Variants in ZC4H2 observed in about 807,000 individuals in gnomAD.
ZC4H2 encodes the protein zinc finger C4H2 domain-containing protein.
For synonymous variants in ZC4H2, 84 were observed against 66.3 expected (o/e 1.27, Z -1.30); for missense variants, 137 against 173.9 (o/e 0.79, Z 1.19).
chrX:64,953,969 C>T lies in ZC4H2; in HGVS notation c.53+22356G>A, dbSNP rs184476657. Reference sequence around the variant, plus strand: ...TTAAGAAAATGTGGCATATATACACCGTGGAATACTATGCAGCCATAAAAA... The same window carrying T: ...TTAAGAAAATGTGGCATATATACACTGTGGAATACTATGCAGCCATAAAAA... On this transcript the variant is annotated intron_variant, in intron 1 of 4. Transcript: ENST00000374839. Among the ~76,000 whole-genome samples, 581 of 110,163 alleles carry T rather than the reference C, an allele frequency of 5.3e-3. 9 individuals are homozygous for T. Among genetic ancestry groups the T allele is most frequent in the African/African-American group, 0.018 (553 of 30,163 alleles).
At chrX:64,941,252 G>A (rs1447119765) in intron 1 of ZC4H2, among the ~76,000 whole-genome samples, 1 of 112,139 alleles carries the variant, frequency 8.9e-6, no homozygotes, top group East Asian at 2.8e-4. Context: ...TTTCTATCCT[G>A]AGACTTTGCT....
intron 1 of ZC4H2, among the ~76,000 whole-genome samples, chrX:65,004,050 C>T (rs1332423394): frequency 2.7e-5 from 3 of 111,555 alleles, no homozygotes; most frequent in Non-Finnish European, 5.6e-5. Flanking sequence ...GAAGTTGAAT[C>T]CCTGAATAGA....
chrX:65,020,407 C>A (rs1316173401), intron 1 of ZC4H2, among the ~76,000 whole-genome samples: 1 of 111,883 alleles, frequency 8.9e-6, no homozygotes, highest in Non-Finnish European at 1.9e-5. Flanking sequence ...AAAGAATTTT[C>A]AACCCAGAAT....
intron 1 of ZC4H2, among the ~76,000 whole-genome samples, chrX:64,943,190 TCAGA>T (rs1454347295): frequency 8.9e-6 from 1 of 112,325 alleles, no homozygotes; most frequent in Non-Finnish European, 1.9e-5. Flanking sequence ...CACACTGTGG[TCAGA>T]CAGACTGTTT....
chrX:64,962,040 C>T (rs962559194), intron 1 of ZC4H2, among the ~76,000 whole-genome samples: 5 of 111,175 alleles, frequency 4.5e-5, no homozygotes, highest in East Asian at 2.8e-4. Context: ...AGTGAAGAGG[C>T]GACACTTCCA....
At chrX:64,936,681 T>G (rs1344265323) in intron 1 of ZC4H2, among the ~76,000 whole-genome samples, 1 of 111,164 alleles carries the variant, frequency 9.0e-6, no homozygotes, top group Non-Finnish European at 1.9e-5. Flanking sequence ...CTAAGCTTCA[T>G]AAGTGAAGGA....
intron 1 of ZC4H2, among the ~76,000 whole-genome samples, chrX:65,026,587 T>C (rs1932881529): frequency 9.1e-6 from 1 of 110,330 alleles, no homozygotes; most frequent in Admixed American, 9.6e-5. Context: ...TGGACGCCTG[T>C]AGTCCCAGCT....
At position 64,957,749 on chromosome X, in the gene ZC4H2, C is replaced by T. The variant is rs917207390; in HGVS notation, c.53+18576G>A. Among the ~76,000 whole-genome samples the T allele has an allele frequency of 2.7e-5, 3 of 110,098 alleles. No homozygotes were observed. The South Asian group carries it at 1.2e-3, about 43-fold the overall frequency. On this transcript the variant is annotated intron_variant, in intron 1 of 4. Transcript: ENST00000374839. ...TGGTGGTGCATGCCTGTGGTCCTAG[C>T]TACTTGGGAGGCTGAGGTGGAAGGG...
At chrX:64,954,156 C>T (rs1190965408) in intron 1 of ZC4H2, among the ~76,000 whole-genome samples, 3 of 101,615 alleles carry the variant, frequency 3.0e-5, no homozygotes, top group African/African-American at 1.1e-4. Context: ...CATCATACAC[C>T]GGGGCCTGTT....
Position 64,970,165 on chromosome X carries a change from C to T in ZC4H2, c.53+6160G>A, listed in dbSNP as rs1225830863. 1.1e-4 allele frequency among the ~76,000 whole-genome samples: 12 copies of T among 112,122 alleles called. No individual in the cohort carries two copies. In the East Asian group the frequency reaches 3.1e-3, roughly 29 times the overall value. On this transcript the variant is annotated intron_variant, in intron 1 of 4. Coordinates refer to ENST00000374839, the MANE Select transcript of ZC4H2 (RefSeq NM_018684.4). ...TACTCCAGTCTGGTGAGAATATTGC[C>T]TAAGTACTAAGCATTCTTCCATGTA...
At chrX:64,939,489 C>A (rs1930165877) in intron 1 of ZC4H2, among the ~76,000 whole-genome samples, 1 of 112,148 alleles carries the variant, frequency 8.9e-6, no homozygotes, top group African/African-American at 3.2e-5. Flanking sequence ...CAAGACACTC[C>A]TAAGCAAAAA....
intron 1 of ZC4H2, among the ~76,000 whole-genome samples, chrX:64,926,320 C>T (rs1046397072): frequency 8.9e-6 from 1 of 112,248 alleles, no homozygotes; most frequent in African/African-American, 3.2e-5. Flanking sequence ...TATTAAAGGA[C>T]ATCTAGACTC....
At chrX:64,966,381 A>C (rs984087240) in intron 1 of ZC4H2, among the ~76,000 whole-genome samples, 3 of 112,668 alleles carry the variant, frequency 2.7e-5, no homozygotes, top group African/African-American at 6.4e-5. Context: ...ATCCACTTTC[A>C]AAAACACTTG....
At chrX:64,947,577 C>A (rs976923356) in intron 1 of ZC4H2, among the ~76,000 whole-genome samples, 2 of 112,657 alleles carry the variant, frequency 1.8e-5, no homozygotes, top group African/African-American at 6.4e-5. Context: ...CTCTGTTAAG[C>A]AAACTAAATA....
intron 1 of ZC4H2, among the ~76,000 whole-genome samples, chrX:65,001,722 G>A (rs1285762871): frequency 9.0e-6 from 1 of 111,631 alleles, no homozygotes; most frequent in African/African-American, 3.3e-5. Context: ...GACACACATA[G>A]GCTCAAAATA....
chrX:65,024,107 C>T (rs775092757), intron 1 of ZC4H2, among the ~76,000 whole-genome samples: 79 of 101,585 alleles, frequency 7.8e-4, no homozygotes, highest in South Asian at 5.2e-3. Context: ...GGCCTATCGG[C>T]GGGTGGGGGG....
At chrX:64,938,971 T>G (rs1240729949) in intron 1 of ZC4H2, among the ~76,000 whole-genome samples, 1 of 112,026 alleles carries the variant, frequency 8.9e-6, no homozygotes, top group African/African-American at 3.2e-5. Flanking sequence ...TAAAGGGTAT[T>G]CAAATAGAAA....
chrX:65,024,000 A>G (rs897721555), intron 1 of ZC4H2, among the ~76,000 whole-genome samples: 1 of 111,273 alleles, frequency 9.0e-6, no homozygotes, highest in Non-Finnish European at 1.9e-5. Context: ...GCAAACTAAC[A>G]TAAGAACAGG....
At chrX:64,995,308 G>A (rs1462412557) in intron 1 of ZC4H2, among the ~76,000 whole-genome samples, 2 of 111,308 alleles carry the variant, frequency 1.8e-5, no homozygotes, top group Admixed American at 9.5e-5. Flanking sequence ...AAAATGGTAG[G>A]ATATCTTGTG....
Sources: gnomAD v4.1 joint callset for allele counts (sites outside exome capture counted in the v4.1 genomes callset) on GRCh38, gnomAD v4.1.1 for gene constraint, MANE v1.5 for transcripts, NCBI Gene and HGNC (gene_info 2026-07-23, HGNC 2026-07-21) for gene names.